Variants in NSUN6 observed in about 807,000 individuals in gnomAD.
The protein encoded by NSUN6 is NOP2/Sun RNA methyltransferase 6, also known as tRNA (cytosine(72)-C(5))-methyltransferase NSUN6.
Under a neutral mutation model 58.0 loss-of-function variants are expected in NSUN6, and 64 were observed. The observed-to-expected ratio is 1.10, with a 90% CI of 0.90 to 1.36. The LOEUF is 1.36. Among genes scored for constraint, NSUN6 ranks in the 40% most tolerant of loss-of-function variants. NSUN6 has a pLI of 0.00. For synonymous variants in NSUN6, 231 were observed against 193.9 expected (o/e 1.19, Z -1.59); for missense variants, 701 against 550.1 (o/e 1.27, Z -2.74).
chr10:18,630,244 C>CA, intron 3 of NSUN6, among the ~76,000 whole-genome samples: 2 of 149,650 alleles, frequency 1.3e-5, no homozygotes, highest in South Asian at 4.4e-4. Context: ...CTCTGGGACA[C>CA]ATTCAAAGCA....
chr10:18,615,158 T>C (rs777201751), intron 4 of NSUN6, among the ~76,000 whole-genome samples: 6 of 151,654 alleles, frequency 4.0e-5, no homozygotes, highest in Admixed American at 6.6e-5. Flanking sequence ...CATATATACG[T>C]GTGTGTATAC....
chr10:18,632,210 A>G (rs1242612517), intron 3 of NSUN6, among the ~76,000 whole-genome samples: 2 of 152,080 alleles, frequency 1.3e-5, no homozygotes, highest in Non-Finnish European at 2.9e-5. Context: ...ATATGTAGAA[A>G]GCTGAAACTG....
At chr10:18,645,967 C>G (rs181008803) in intron 2 of NSUN6, among the ~76,000 whole-genome samples, 5 of 152,160 alleles carry the variant, frequency 3.3e-5, no homozygotes, top group Admixed American at 2.6e-4. Flanking sequence ...AGCCAAGGCA[C>G]GCAGATCACT....
chr10:18,629,114 A>G (rs1386309743), intron 3 of NSUN6, among the ~76,000 whole-genome samples: 1 of 152,210 alleles, frequency 6.6e-6, no homozygotes, highest in Non-Finnish European at 1.5e-5. Flanking sequence ...ATTCTTAAAG[A>G]AAAGAATTTT....
At chr10:18,556,995 G>C (rs1052447931) in intron 8 of NSUN6, among the ~76,000 whole-genome samples, 1 of 149,862 alleles carries the variant, frequency 6.7e-6, no homozygotes, top group Non-Finnish European at 1.5e-5. Context: ...ATGGAATGCA[G>C]TGAAAAATGG....
chr10:18,636,720 A>C (rs1309358745), intron 3 of NSUN6, among the ~76,000 whole-genome samples: 5 of 151,874 alleles, frequency 3.3e-5, no homozygotes, highest in Non-Finnish European at 7.4e-5. Context: ...GGTGAAACCC[A>C]GTCTCTATTA....
intron 8 of NSUN6, among the ~76,000 whole-genome samples, chr10:18,584,297 C>G (rs1158857321): frequency 6.6e-6 from 1 of 152,206 alleles, no homozygotes; most frequent in Admixed American, 6.6e-5. Context: ...CACTTCCCCC[C>G]TTACCTTATA....
intron 7 of NSUN6, among the ~76,000 whole-genome samples, chr10:18,594,445 T>C (rs978830966): frequency 1.4e-5 from 2 of 147,364 alleles, no homozygotes; most frequent in South Asian, 2.2e-4. Context: ...TTTTTTGTTG[T>C]TGTTGTTTTT....
chr10:18,585,428 A>G (rs1206423735), intron 8 of NSUN6, among the ~76,000 whole-genome samples: 3 of 152,250 alleles, frequency 2.0e-5, no homozygotes, highest in African/African-American at 4.8e-5. Flanking sequence ...GAATGAATAA[A>G]GAAAATGTGG....
At chr10:18,578,223 C>T (rs188268275) in intron 8 of NSUN6, among the ~76,000 whole-genome samples, 1 of 139,408 alleles carries the variant, frequency 7.2e-6, no homozygotes, top group Non-Finnish European at 1.5e-5. Context: ...AGCCTCTTCT[C>T]TAAGCCTATT....
intron 7 of NSUN6, among the ~76,000 whole-genome samples, chr10:18,586,724 G>C (rs1044991577): frequency 3.0e-4 from 45 of 152,234 alleles, no homozygotes; most frequent in African/African-American, 1.1e-3. Flanking sequence ...AAGATTTATT[G>C]TGAAGAACGA....
chr10:18,585,246 A>T (rs2131105710), intron 8 of NSUN6, among the ~76,000 whole-genome samples: 1 of 152,328 alleles, frequency 6.6e-6, no homozygotes, highest in South Asian at 2.1e-4. Flanking sequence ...GCCATTATGT[A>T]AAATGGTATG....
intron 6 of NSUN6, among the ~76,000 whole-genome samples, 173 bp downstream of exon 6, chr10:18,609,668 AAAAG>A (rs369422205): frequency 3.3e-4 from 51 of 152,306 alleles, no homozygotes; most frequent in African/African-American, 1.2e-3. Flanking sequence ...TCAAATGAGA[AAAAG>A]AAAAGAAAGG....
intron 3 of NSUN6, among the ~76,000 whole-genome samples, chr10:18,636,131 A>C (rs1211118608): frequency 2.0e-5 from 3 of 152,022 alleles, no homozygotes; most frequent in Non-Finnish European, 4.4e-5. Context: ...ATAAACATAA[A>C]GGCAACAGGC....
At chr10:18,616,356 C>A in intron 3 of NSUN6, 63 bp from the exon 4 acceptor site, 1 of 963,340 alleles carries the variant, frequency 1.0e-6, no homozygotes, top group Non-Finnish European at 1.7e-6. Flanking sequence ...CAATTTTTCC[C>A]GTGTTCTATC....
At chr10:18,619,654 T>C (rs917239714) in intron 3 of NSUN6, among the ~76,000 whole-genome samples, 3 of 152,226 alleles carry the variant, frequency 2.0e-5, no homozygotes, top group Admixed American at 6.5e-5. Context: ...TCGGTGTATG[T>C]AGCAAAAACA....
chr10:18,652,501 GAGT>G, upstream of NSUN6: 1 of 983,732 alleles, frequency 1.0e-6, no homozygotes, highest in Non-Finnish European at 1.2e-6. Flanking sequence ...TTACCAGAAA[GAGT>G]AGAAAATAAT....
At position 18,610,006 on chromosome 10, in the gene NSUN6, T is replaced by C. The variant is rs1195938257; in HGVS notation, c.576-80A>G. The C allele has an allele frequency of 7.2e-6, 6 of 839,156 alleles. No individual in the cohort carries two copies. In the East Asian group the frequency reaches 1.0e-4, roughly 14 times the overall value. 52.0% of individuals were successfully genotyped at this position (839,156 alleles called of 1,614,324 possible). ...CTATGTTTCCAGAAACGTTCTCCAATAGCCTGTCAAACATAAGATGCTCTA... is the reference window on the plus strand; with the variant it reads ...CTATGTTTCCAGAAACGTTCTCCAACAGCCTGTCAAACATAAGATGCTCTA... On this transcript the variant is annotated intron_variant, in intron 5 of 10. Coordinates refer to ENST00000377304, the MANE Select transcript of NSUN6 (RefSeq NM_182543.5).
intron 7 of NSUN6, among the ~76,000 whole-genome samples, chr10:18,586,403 C>A (rs1402918764): frequency 6.6e-6 from 1 of 152,156 alleles, no homozygotes; most frequent in Non-Finnish European, 1.5e-5. Context: ...TTTCTTCCTT[C>A]CGGTCGGTTC....
Sources: gnomAD v4.1 joint callset for allele counts (sites outside exome capture counted in the v4.1 genomes callset) on GRCh38, gnomAD v4.1.1 for gene constraint, MANE v1.5 for transcripts, NCBI Gene and HGNC (gene_info 2026-07-23, HGNC 2026-07-21) for gene names.